Variants in AOPEP observed in about 807,000 individuals in gnomAD.
AOPEP encodes the protein aminopeptidase O (putative), also known as aminopeptidase O.
A neutral mutation model predicts 98.1 loss-of-function variants in AOPEP; 77 were observed. The observed-to-expected ratio is 0.78, with a 90% CI of 0.65 to 0.95. The LOEUF is 0.95. Ranked by LOEUF, AOPEP falls within the 40% of genes least tolerant of loss-of-function variation. The pLI is 0.00. For synonymous variants in AOPEP, 346 were observed against 365.3 expected (o/e 0.95, Z 0.60); for missense variants, 1,024 against 1,024.7 (o/e 1.00, Z 0.01).
intron 7 of AOPEP, among the ~76,000 whole-genome samples, chr9:94,936,010 C>T (rs929320625): frequency 3.9e-5 from 6 of 152,174 alleles, no homozygotes; most frequent in Non-Finnish European, 8.8e-5. Flanking sequence ...CTAACAACTG[C>T]CAATTTCATC....
At chr9:94,846,111 A>T (rs983724295) in intron 5 of AOPEP, among the ~76,000 whole-genome samples, 23 of 141,042 alleles carry the variant, frequency 1.6e-4, no homozygotes, top group Admixed American at 2.8e-4. Context: ...AAAAAAAAAA[A>T]TTTGAGTCTG....
At chr9:94,741,491 T>C (rs1833107625) in intron 1 of AOPEP, among the ~76,000 whole-genome samples, 1 of 152,096 alleles carries the variant, frequency 6.6e-6, no homozygotes. Flanking sequence ...CAGGATGGTC[T>C]CCATCTCCTG....
chr9:95,149,143 AAATT>A, the AOPEP span, among the ~76,000 whole-genome samples: 1 of 152,182 alleles, frequency 6.6e-6, no homozygotes, highest in Non-Finnish European at 1.5e-5. Context: ...ACGTGTAATA[AAATT>A]ATTTTTATTT....
chr9:95,080,975 T>TG, intron 15 of AOPEP, 195 bp downstream of exon 15: 1 of 584,370 alleles, frequency 1.7e-6, no homozygotes. Context: ...TTTGAAGGAT[T>TG]GAGTTGAGCA....
chr9:94,979,028 A>G (rs2060017148), intron 10 of AOPEP, among the ~76,000 whole-genome samples: 1 of 152,174 alleles, frequency 6.6e-6, no homozygotes, highest in Non-Finnish European at 1.5e-5. Flanking sequence ...ACTACTCTCC[A>G]GGAAGCAGCC....
chr9:94,743,617 A>G (rs545405115), intron 1 of AOPEP, among the ~76,000 whole-genome samples: 1 of 152,186 alleles, frequency 6.6e-6, no homozygotes, highest in Non-Finnish European at 1.5e-5. Flanking sequence ...ATCATGAGCA[A>G]CTCAAAAGGC....
At chr9:95,098,687 G>C in the AOPEP span, among the ~76,000 whole-genome samples, 1 of 152,248 alleles carries the variant, frequency 6.6e-6, no homozygotes. Context: ...AACGGAGCGA[G>C]CAAGAGTGGG....
chr9:94,971,555 T>C (rs972010110), intron 10 of AOPEP, among the ~76,000 whole-genome samples: 1 of 152,186 alleles, frequency 6.6e-6, no homozygotes, highest in African/African-American at 2.4e-5. Context: ...TTGGCCTCTG[T>C]TGCAAACTGA....
At chr9:95,105,261 G>A in the AOPEP span, among the ~76,000 whole-genome samples, 7 of 152,158 alleles carry the variant, frequency 4.6e-5, no homozygotes, top group Admixed American at 1.3e-4. Flanking sequence ...GTCATGTTAC[G>A]GGGACTTTCT....
intron 9 of AOPEP, among the ~76,000 whole-genome samples, chr9:94,957,325 A>G (rs971483072): frequency 6.6e-6 from 1 of 152,144 alleles, no homozygotes; most frequent in East Asian, 1.9e-4. Flanking sequence ...CTCCCGCCTC[A>G]GCCTCCCGAG....
chr9:95,076,854 A>G (rs1338452847), intron 14 of AOPEP, among the ~76,000 whole-genome samples: 1 of 152,250 alleles, frequency 6.6e-6, no homozygotes, highest in Non-Finnish European at 1.5e-5. Context: ...TTTGCTGATC[A>G]GTCTCCATTT....
chr9:94,867,028 A>G (rs2045782941), intron 5 of AOPEP, among the ~76,000 whole-genome samples: 2 of 152,232 alleles, frequency 1.3e-5, no homozygotes, highest in African/African-American at 4.8e-5. Context: ...ATGGGAAGCT[A>G]ATCTCATTGC....
chr9:94,836,924 A>G (rs920931031), intron 5 of AOPEP, among the ~76,000 whole-genome samples: 1 of 152,036 alleles, frequency 6.6e-6, no homozygotes, highest in Non-Finnish European at 1.5e-5. Flanking sequence ...ATGCTTGTCT[A>G]ATTATTTTTT....
At chr9:95,133,236 G>A in the AOPEP span, among the ~76,000 whole-genome samples, 3 of 152,194 alleles carry the variant, frequency 2.0e-5, no homozygotes, top group African/African-American at 7.2e-5. Flanking sequence ...CCAGGATGCT[G>A]AGGAGAACAG....
intron 5 of AOPEP, among the ~76,000 whole-genome samples, chr9:94,835,246 C>G (rs1211144025): frequency 1.3e-5 from 2 of 152,136 alleles, no homozygotes; most frequent in Non-Finnish European, 2.9e-5. Context: ...GGGGAGGCCA[C>G]CACAGGATGT....
chr9:94,741,230 G>A (rs1210441762), intron 1 of AOPEP, among the ~76,000 whole-genome samples: 1 of 151,680 alleles, frequency 6.6e-6, no homozygotes, highest in African/African-American at 2.4e-5. Flanking sequence ...AATTCATTCA[G>A]GGCCTTTTTC....
intron 5 of AOPEP, among the ~76,000 whole-genome samples, chr9:94,848,566 G>A (rs982598621): frequency 9.9e-5 from 15 of 151,802 alleles, no homozygotes; most frequent in African/African-American, 3.6e-4. Context: ...AAGTTGCAGT[G>A]AGCCAAGATC....
chr9:94,731,790 C>CTTTTTTTTTTTTTTTTTTTTTTT (rs564831468), intron 1 of AOPEP, among the ~76,000 whole-genome samples: 1 of 86,290 alleles, frequency 1.2e-5, no homozygotes, highest in African/African-American at 5.2e-5. Context: ...TCTCTTTTGC[C>CTTTTTTTTTTTTTTTTTTTTTTT]TTTTTTTTTT....
At chr9:95,129,605 CT>C in the AOPEP span, among the ~76,000 whole-genome samples, 29 of 152,272 alleles carry the variant, frequency 1.9e-4, no homozygotes, top group Non-Finnish European at 1.8e-4. Flanking sequence ...TAAAATAAAC[CT>C]TTTGTGGTTT....
Sources: gnomAD v4.1 joint callset for allele counts (sites outside exome capture counted in the v4.1 genomes callset) on GRCh38, gnomAD v4.1.1 for gene constraint, MANE v1.5 for transcripts, NCBI Gene and HGNC (gene_info 2026-07-23, HGNC 2026-07-21) for gene names.